Variants in NT5C3A observed in about 807,000 individuals in gnomAD.
The protein encoded by NT5C3A is cytosolic 5'-nucleotidase 3A.
NT5C3A carries 23 observed loss-of-function variants against 40.0 expected under a neutral mutation model. The ratio of observed to expected loss-of-function variants is 0.58; its 90% CI spans 0.41 to 0.81. The LOEUF (loss-of-function observed/expected upper bound fraction) is 0.81, where lower values mean the gene tolerates loss of function less well. Among genes scored for constraint, NT5C3A ranks in the 40% least tolerant of loss-of-function variants. The pLI, the probability that NT5C3A is intolerant of heterozygous loss-of-function variation, is 0.00. For missense variants in NT5C3A, 328 were observed against 403.0 expected, an observed-to-expected ratio of 0.81 and a Z score of 1.59; for synonymous variants, 130 against 141.4, an observed-to-expected ratio of 0.92 and a Z score of 0.57.
chr7:33,058,533 T>C (rs1037011356), intron 1 of NT5C3A, among the ~76,000 whole-genome samples: 4 of 152,118 alleles, frequency 2.6e-5, no homozygotes, highest in African/African-American at 9.7e-5. Context: ...TTATTTTTAG[T>C]AGGGACGGGG....
intron 1 of NT5C3A, chr7:33,029,798 C>T (rs929178838): frequency 1.2e-6 from 1 of 800,236 alleles, no homozygotes; most frequent in Non-Finnish European, 1.8e-6. Context: ...AACTCCTGGG[C>T]TCAAGTGATC....
At chr7:33,041,832 A>G (rs1260614123) in intron 1 of NT5C3A, among the ~76,000 whole-genome samples, 3 of 152,126 alleles carry the variant, frequency 2.0e-5, no homozygotes, top group African/African-American at 7.2e-5. Context: ...GACCTGATAG[A>G]TAAGTTATGC....
At chr7:33,043,424 T>C (rs1787014479) in intron 1 of NT5C3A, among the ~76,000 whole-genome samples, 1 of 152,182 alleles carries the variant, frequency 6.6e-6, no homozygotes, top group Non-Finnish European at 1.5e-5. Context: ...AAAAACGTCA[T>C]AGGAGTAGCA....
intron 2 of NT5C3A, among the ~76,000 whole-genome samples, chr7:33,024,830 G>C (rs1287145947): frequency 6.6e-6 from 1 of 152,032 alleles, no homozygotes; most frequent in Non-Finnish European, 1.5e-5. Context: ...CAGTTATTAT[G>C]TATCGACTTT....
At chr7:33,015,079 T>C (rs898072899) in intron 8 of NT5C3A, among the ~76,000 whole-genome samples, 4 of 152,108 alleles carry the variant, frequency 2.6e-5, no homozygotes, top group African/African-American at 9.7e-5. Flanking sequence ...GTGATTTTTG[T>C]CCACGGAACA....
chr7:33,037,826 T>C (rs936523984), intron 1 of NT5C3A, among the ~76,000 whole-genome samples: 18 of 152,182 alleles, frequency 1.2e-4, no homozygotes, highest in African/African-American at 4.1e-4. Context: ...TGTACAGCTA[T>C]ATATATACAC....
chr7:33,025,492 G>C (rs907521809), intron 2 of NT5C3A, among the ~76,000 whole-genome samples: 5 of 152,002 alleles, frequency 3.3e-5, no homozygotes, highest in Non-Finnish European at 7.4e-5. Context: ...TATCCAGATT[G>C]TTGATTTAAT....
rs72555750 is a variant in NT5C3A, at chr7:33,014,777, C to T, written c.949G>A (p.Asp317Asn). 6.2e-7 allele frequency: 1 copy of T among 1,613,042 alleles called. No individual in the cohort carries two copies. ...GAGTTGGCTACTTCTAATGATTCAT[C>T]TTGTACTAAAACAATATCATAAGAG... ...MDSYDIVLVQ[D>N]ESLEVANSIL... The change falls in exon 9 of 9, where the codon GAT becomes AAT. Residue 317 changes from aspartate to asparagine, a missense_variant. Physicochemically the swap from Asp to Asn is conservative, Grantham distance 23. Around this residue, in one of 3 missense-constraint regions of NT5C3A, gnomAD observed 36 missense variants for 51.1 expected, o/e 0.70. Transcript: ENST00000610140.
intron 1 of NT5C3A, among the ~76,000 whole-genome samples, chr7:33,054,628 T>A (rs1787498793): frequency 6.6e-6 from 1 of 152,218 alleles, no homozygotes. Flanking sequence ...AGTTTAAATA[T>A]GAAATTCATT....
chr7:33,029,869 T>C (rs933924305), intron 1 of NT5C3A: 8 of 361,882 alleles, frequency 2.2e-5, no homozygotes, highest in Non-Finnish European at 3.2e-5. Flanking sequence ...GCCCAGCCAA[T>C]ACTGGTTTAC....
intron 1 of NT5C3A, among the ~76,000 whole-genome samples, chr7:33,061,785 C>A (rs192471097): frequency 3.3e-5 from 5 of 152,246 alleles, no homozygotes; most frequent in Admixed American, 3.3e-4. Flanking sequence ...CATAAGCGTG[C>A]AAGTTTGTGC....
intron 1 of NT5C3A, among the ~76,000 whole-genome samples, chr7:33,042,195 G>T (rs868206086): frequency 6.6e-6 from 1 of 151,758 alleles, no homozygotes; most frequent in Non-Finnish European, 1.5e-5. Context: ...AAAATTAGCC[G>T]GGCCTGGTGG....
intron 1 of NT5C3A, among the ~76,000 whole-genome samples, chr7:33,058,617 CT>C (rs1404990513): frequency 6.6e-6 from 1 of 152,248 alleles, no homozygotes; most frequent in Non-Finnish European, 1.5e-5. Context: ...TCCCAAAGTG[CT>C]GGGATTACAG....
chr7:33,061,121 C>A (rs1473367558), intron 1 of NT5C3A, among the ~76,000 whole-genome samples: 1 of 152,138 alleles, frequency 6.6e-6, no homozygotes, highest in Non-Finnish European at 1.5e-5. Context: ...ACAGACCAAT[C>A]CATAGTTTAA....
At chr7:33,047,394 A>G (rs950296979) in intron 1 of NT5C3A, among the ~76,000 whole-genome samples, 21 of 152,218 alleles carry the variant, frequency 1.4e-4, no homozygotes, top group Admixed American at 1.3e-3. Flanking sequence ...AGAGAACAAT[A>G]AACAAAATTA....
chr7:33,026,793 C>T (rs747328508), intron 2 of NT5C3A, 24 bp downstream of exon 2: 16 of 1,519,468 alleles, frequency 1.1e-5, no homozygotes, highest in Non-Finnish European at 1.4e-5. Flanking sequence ...CACACACAGC[C>T]AAGGCTTCTT....
rs766160820 is a variant in NT5C3A at position 33,017,430 on chromosome 7, T to G, written c.693+9A>C. ...TTTAAAATTATGAAGAACGATTTGA[T>G]ATTCTTACAGTTTCATCAAAATCCA... On this transcript the variant is annotated intron_variant, in intron 7 of 8. Transcript: ENST00000610140. The G allele has an allele frequency of 1.9e-6, 3 of 1,577,848 alleles. No individual in the cohort carries two copies. Among genetic ancestry groups the G allele is most frequent in the Non-Finnish European group, 2.6e-6 (3 of 1,148,540 alleles).
Position 33,062,640 on chromosome 7 carries a change from C to A in NT5C3A, c.66G>T (p.Ala22=). 1.9e-6 allele frequency: 3 copies of A among 1,601,778 alleles called. No individual in the cohort carries two copies. Among genetic ancestry groups the A allele is most frequent in the East Asian group, 4.6e-5 (2 of 43,954 alleles). The change falls in exon 1 of 9, where the codon GCG becomes GCT. Residue 22 remains alanine (A), a synonymous_variant. Transcript: ENST00000610140. ...VASASVCALV[A]GVVLAQYIFT... ...ATATGTACTGAGCCAGCACCACCCC[C>A]GCCACCAGGGCGCACACGCTGGCGC...
chr7:33,038,950 A>G (rs1002858287), intron 1 of NT5C3A: 2 of 453,548 alleles, frequency 4.4e-6, no homozygotes, highest in Admixed American at 2.4e-5. Context: ...GGAAGTTTTA[A>G]CATTTTAAGT....
Sources: allele counts gnomAD v4.1 joint callset (sites outside exome capture counted in the v4.1 genomes callset), GRCh38; gene constraint gnomAD v4.1.1; regional missense constraint gnomAD v4.1.1; transcripts MANE v1.5; gene names NCBI Gene and HGNC (gene_info 2026-07-23, HGNC 2026-07-21).